The following DHPS variants were observed in gnomAD, a reference collection of about 807,000 sequenced individuals.
DHPS encodes migration-inducing gene 13.
DHPS carries 24 observed loss-of-function variants against 38.7 expected under a neutral mutation model. The observed-to-expected ratio is 0.62, with a 90% CI of 0.45 to 0.87. DHPS has a LOEUF of 0.87. DHPS is among the 40% of genes least tolerant of loss of function. The pLI is 0.00. For missense variants in DHPS, 510 were observed against 497.6 expected, an observed-to-expected ratio of 1.02 and a Z score of -0.24; for synonymous variants, 250 against 204.4, an observed-to-expected ratio of 1.22 and a Z score of -1.90.
chr19:12,672,952 T>C, downstream of DHPS: 2 of 1,595,350 alleles, frequency 1.3e-6, no homozygotes. Context: ...GCAGGGAAGA[T>C]GGGGGGCCAA....
rs181350133 is a variant in DHPS, at chr19:12,677,138, G to C, written c.858C>G (p.Val286=). The C allele has an allele frequency of 4.3e-6, 7 of 1,614,228 alleles. No homozygotes were observed. In the East Asian group the frequency reaches 1.6e-4, roughly 36 times the overall value. The change falls in exon 7 of 9, where the codon GTC becomes GTG. Residue 286 remains valine, a synonymous_variant. Transcript: ENST00000210060. ...GGTTGGCATTGGCAATGTGGTGCTTGACCACGCCCCCGCCCAGAATGATCA... is the reference window on the plus strand; with the variant it reads ...GGTTGGCATTGGCAATGTGGTGCTTCACCACGCCCCCGCCCAGAATGATCA... ...TGMIILGGGV[V]KHHIANANLM...
Position 12,675,758 on chromosome 19 carries a change from G to A in DHPS, c.*80C>T, listed in dbSNP as rs1383536464. The A allele has an allele frequency of 1.9e-6, 3 of 1,565,928 alleles. No homozygotes were observed. The South Asian group carries it at 3.5e-5, about 18-fold the overall frequency. ...ACCATCTTATTCTAGAGACGTAGCT[G>A]ACCAAAAAGTAGGGGAGGGGCTGGG... On this transcript the variant is annotated 3_prime_UTR_variant, in exon 9 of 9. Coordinates refer to ENST00000210060, the MANE Select transcript of DHPS (RefSeq NM_001930.4).
chr19:12,673,661 C>T (rs2024487696), downstream of DHPS, among the ~76,000 whole-genome samples: 1 of 150,036 alleles, frequency 6.7e-6, no homozygotes, highest in East Asian at 2.0e-4. Flanking sequence ...CATGATCCAC[C>T]CACCTCAGCC....
chr19:12,681,275 T>C, intron 1 of DHPS: 3 of 1,298,556 alleles, frequency 2.3e-6, no homozygotes, highest in Non-Finnish European at 3.0e-6. Context: ...TGCCCCAGGC[T>C]CCGCCCATTC....
In DHPS at chr19:12,677,359, C is replaced by G; in HGVS notation, c.716G>C (p.Gly239Ala). Reference protein sequence around the residue: ...IPVFSPALTDGSLGDMIFFHS... With the variant: ...IPVFSPALTDASLGDMIFFHS... The stretch of plus-strand genomic sequence containing the variant: ...GAAGAAGATCATGTCGCCCAGCGAG[C>G]CGTCTGTAAGTGCGGGACTAAACAC... Residue 239 changes from glycine to alanine, a missense_variant, in exon 6 of 9, where the codon GGC (glycine) becomes GCC (alanine). By Grantham distance (60) the Gly-to-Ala change is moderately conservative. Transcript: ENST00000210060. The G allele has an allele frequency of 6.2e-7, 1 of 1,614,162 alleles. No homozygotes were observed. The highest frequency in any genetic ancestry group is 8.5e-7 in the Non-Finnish European group (1 of 1,180,010).
intron 1 of DHPS, 78 bp from the exon 2 acceptor site, chr19:12,680,403 G>C: frequency 6.6e-7 from 1 of 1,514,974 alleles, no homozygotes; most frequent in Non-Finnish European, 9.1e-7. Flanking sequence ...TCCAGAAACA[G>C]ATTTCACCCC....
intron 1 of DHPS, 92 bp downstream of exon 1, chr19:12,681,468 C>A (rs1568320747): frequency 7.1e-7 from 1 of 1,412,320 alleles, no homozygotes; most frequent in Non-Finnish European, 9.8e-7. Context: ...AAGACATATC[C>A]CCTCCACTGG....
rs751797613 is a variant in DHPS, at chr19:12,679,442, C to T, written c.678+15G>A. On this transcript the variant is annotated intron_variant, in intron 5 of 8. Coordinates refer to ENST00000210060, the MANE Select transcript of DHPS (RefSeq NM_001930.4). Reference sequence around the variant, plus strand: ...TGCCAAAGTCTGGCTACTTTGCTCCCGCTTAGGTCCTCACCTTCTGGGCCC... The same window carrying T: ...TGCCAAAGTCTGGCTACTTTGCTCCTGCTTAGGTCCTCACCTTCTGGGCCC... The T allele has an allele frequency of 3.1e-6, 5 of 1,613,694 alleles. No individual in the cohort carries two copies. Among genetic ancestry groups the T allele is most frequent in the Non-Finnish European group, 3.4e-6 (4 of 1,179,702 alleles).
rs756006419 is a variant in DHPS, at chr19:12,681,530, G to C, written c.207+30C>G. 3.7e-6 allele frequency: 6 copies of C among 1,613,002 alleles called. No individual in the cohort carries two copies. The East Asian group carries it at 1.3e-4, about 36-fold the overall frequency. ...TTGGTTCTACAAGCCACGCCCCTCC[G>C]CGTCCCTAGAAATTCCGCCCGGTCC... On this transcript the variant is annotated intron_variant, in intron 1 of 8. Coordinates refer to ENST00000210060, the MANE Select transcript of DHPS (RefSeq NM_001930.4).
At chr19:12,675,416 G>T, downstream of DHPS, 1 of 1,474,972 alleles carries the variant, frequency 6.8e-7, no homozygotes, top group South Asian at 1.3e-5. Flanking sequence ...GTCGGGGAGA[G>T]GTGACTGAGG....
intron 8 of DHPS, 21 bp from the exon 9 acceptor site, chr19:12,675,954 G>A: frequency 5.6e-6 from 9 of 1,602,542 alleles, no homozygotes; most frequent in Middle Eastern, 1.7e-4. Context: ...GGGAACCTGG[G>A]TAAGCCATGG....
chr19:12,672,906 A>T (rs763676051), downstream of DHPS: 2 of 1,599,032 alleles, frequency 1.3e-6, no homozygotes, highest in Non-Finnish European at 1.7e-6. Context: ...TTCTCAGACT[A>T]CGTGGGCAGT....
downstream of DHPS, chr19:12,672,819 T>G (rs2024461228): frequency 1.3e-6 from 2 of 1,559,514 alleles, no homozygotes; most frequent in South Asian, 2.4e-5. Flanking sequence ...GTAGTCAAGG[T>G]TCCCGCTGGA....
At chr19:12,680,425 A>G in intron 1 of DHPS, 100 bp from the exon 2 acceptor site, 2 of 1,292,402 alleles carry the variant, frequency 1.5e-6, no homozygotes, top group Non-Finnish European at 2.2e-6. Flanking sequence ...GGCCCTGCAC[A>G]TTCAGGGATA....
Position 12,679,509 on chromosome 19 carries a change from C to A in DHPS, c.626G>T (p.Arg209Leu). 2.5e-6 allele frequency: 4 copies of A among 1,614,178 alleles called. No individual in the cohort carries two copies. Among genetic ancestry groups the A allele is most frequent in the South Asian group, 1.1e-5 (1 of 91,076 alleles). The change falls in exon 5 of 9, where the codon CGG (arginine) becomes CTG (leucine). Residue 209 changes from arginine (R) to leucine (L), a missense_variant. Arg to Leu is a moderately radical substitution (Grantham distance 102, BLOSUM62 -2). Transcript: ENST00000210060. ...TGGGTTGTTGATCTCCTTGCCCAGC[C>A]GGGCGATCATCTTAGAAGGCGTCCA... Reference protein sequence around the residue: ...VKWTPSKMIARLGKEINNPES... With the variant: ...VKWTPSKMIALLGKEINNPES...
intron 7 of DHPS, 107 bp from the exon 8 acceptor site, chr19:12,676,249 G>A (rs2024584000): frequency 7.3e-7 from 1 of 1,368,770 alleles, no homozygotes. Flanking sequence ...CCCAGATGAA[G>A]GAAGCCCTTC....
At chr19:12,673,467 G>C (rs2024482968), downstream of DHPS, 1 of 592,208 alleles carries the variant, frequency 1.7e-6, no homozygotes, top group South Asian at 2.1e-5. Context: ...GCCCAGGCTA[G>C]AGTGCAGTGG....
Position 12,679,897 on chromosome 19 carries a change from C to A in DHPS, c.398G>T (p.Gly133Val). The part of the protein sequence containing the change: ...NMVDVLVTTA[G>V]GVEEDLIKCL... The stretch of plus-strand genomic sequence containing the variant: ...CTTGATGAGGTCTTCCTCCACGCCG[C>A]CAGCTGTGGTCACCAATACGTCCAC... The change falls in exon 3 of 9, where the codon GGC becomes GTC. Residue 133 changes from glycine (G) to valine (V), a missense_variant. Transcript: ENST00000210060. 6.2e-7 allele frequency: 1 copy of A among 1,613,942 alleles called. No individual in the cohort carries two copies.
chr19:12,680,372 G>A, intron 1 of DHPS, 47 bp from the exon 2 acceptor site: 1 of 1,606,388 alleles, frequency 6.2e-7, no homozygotes, highest in Non-Finnish European at 8.5e-7. Flanking sequence ...TTAAATCCCA[G>A]ACTCAGGACT....
Sources: allele counts gnomAD v4.1 joint callset (sites outside exome capture counted in the v4.1 genomes callset), GRCh38; gene constraint gnomAD v4.1.1; transcripts MANE v1.5; gene names NCBI Gene and HGNC (gene_info 2026-07-23, HGNC 2026-07-21).